Variants in CYP7A1 observed in about 807,000 individuals in gnomAD.
The protein encoded by CYP7A1 is cytochrome P450 family 7 subfamily A member 1.
In CYP7A1, 28 loss-of-function variants were observed where a neutral mutation model predicts 43.8. That is an observed-to-expected ratio of 0.64 (90% CI 0.47 to 0.88). CYP7A1 has a LOEUF of 0.88. Ranked by LOEUF, CYP7A1 falls within the 40% of genes least tolerant of loss-of-function variation. The pLI is 0.00. For synonymous variants in CYP7A1, 227 were observed against 222.5 expected (o/e 1.02, Z -0.18); for missense variants, 637 against 611.9 (o/e 1.04, Z -0.43).
In CYP7A1 at chr8:58,496,490, T is replaced by A. The variant is rs898801194; in HGVS notation, c.908+114A>T. 4 of 778,172 alleles carry A rather than the reference T, an allele frequency of 5.1e-6. No individual in the cohort carries two copies. In the African/African-American group the frequency reaches 7.0e-5, roughly 14 times the overall value. 48.2% of individuals were successfully genotyped at this position (778,172 alleles called of 1,614,324 possible). A position where few individuals can be genotyped will look rare whatever the true frequency, so the allele number is the denominator to read the frequency against. On this transcript the variant is annotated intron_variant, in intron 3 of 5. Transcript: ENST00000301645. ...AACACTAACATGCATTAGTGCTACG[T>A]TCTTGATTGACGGCATGATAAAGTA... is the stretch of plus-strand genomic sequence containing the variant.
chr8:58,491,406 G>T lies in CYP7A1; in HGVS notation c.*69C>A. On this transcript the variant is annotated 3_prime_UTR_variant, in exon 6 of 6. Coordinates refer to ENST00000301645, the MANE Select transcript of CYP7A1 (RefSeq NM_000780.4). ...CACCACTAAATGCATTTGTCCAAAG[G>T]GACTGTGTGGTGAGGGTGTTCTGCA... is the stretch of plus-strand genomic sequence containing the variant. The T allele has an allele frequency of 7.2e-7, 1 of 1,398,052 alleles. No homozygotes were observed. Among genetic ancestry groups the T allele is most frequent in the Non-Finnish European group, 1.0e-6 (1 of 994,866 alleles). 86.6% of individuals were successfully genotyped at this position (1,398,052 alleles called of 1,614,324 possible).
chr8:58,496,737 G>A lies in CYP7A1; in HGVS notation c.775C>T (p.Leu259=), dbSNP rs567669521. ...KRESISELIS[L]RMFLNDTLST... is the part of the protein sequence containing the mutation. ...AAAGTGTCATTGAGAAACATGCGCA[G>A]GCTGATCAGTTCTGAGATGCTTTCC... The change falls in exon 3 of 6, where the codon CTG becomes TTG. Residue 259 remains leucine, a synonymous_variant. Coordinates refer to ENST00000301645, the MANE Select transcript of CYP7A1 (RefSeq NM_000780.4). 1 of 1,614,214 alleles carries A rather than the reference G, an allele frequency of 6.2e-7. No individual in the cohort carries two copies. Among genetic ancestry groups the A allele is most frequent in the South Asian group, 1.1e-5 (1 of 91,080 alleles).
At chr8:58,498,120 TC>T (rs1809476147) in intron 2 of CYP7A1, 108 bp downstream of exon 2, 1 of 1,254,570 alleles carries the variant, frequency 8.0e-7, no homozygotes, top group South Asian at 1.3e-5. Flanking sequence ...AGGATAACTC[TC>T]TTCAACACCT....
At chr8:58,498,743 A>T (rs1378607467) in intron 1 of CYP7A1, among the ~76,000 whole-genome samples, 1 of 152,172 alleles carries the variant, frequency 6.6e-6, no homozygotes, top group Non-Finnish European at 1.5e-5. Context: ...TGTGCTCATC[A>T]CTTTTCCCAG....
intron 4 of CYP7A1, among the ~76,000 whole-genome samples, chr8:58,492,833 T>G (rs1809373613): frequency 6.6e-6 from 1 of 152,200 alleles, no homozygotes; most frequent in African/African-American, 2.4e-5. Context: ...GGCATGATCC[T>G]GGCTCACTGC....
intron 1 of CYP7A1, 132 bp from the exon 2 acceptor site, chr8:58,498,601 A>T: frequency 1.1e-6 from 1 of 915,102 alleles, no homozygotes; most frequent in Non-Finnish European, 1.7e-6. Context: ...CTTTTGTTGG[A>T]TGGGCCCTGC....
chr8:58,498,924 T>G (rs1412923261), intron 1 of CYP7A1, among the ~76,000 whole-genome samples: 1 of 152,208 alleles, frequency 6.6e-6, no homozygotes, highest in African/African-American at 2.4e-5. Flanking sequence ...AGGGAGGATT[T>G]CAGAACTGAG....
rs752449158 is a variant in CYP7A1 at position 58,497,042 on chromosome 8, A to G, written c.470T>C (p.Val157Ala). ...ENLQRIMRPP[V>A]SSNSKTAAWV... is the part of the protein sequence containing the mutation. The stretch of plus-strand genomic sequence containing the variant: ...GGCAGCGGTCTTTGAGTTAGAGGAG[A>G]CTGGAGGTCTCATGATACGTTGGAG... Residue 157 changes from valine (V) to alanine (A), a missense_variant, in exon 3 of 6, where the codon GTC becomes GCC. By Grantham distance (64) the Val-to-Ala change is moderately conservative. Transcript: ENST00000301645. 9.9e-6 allele frequency: 16 copies of G among 1,608,312 alleles called. No individual in the cohort carries two copies. Among genetic ancestry groups the G allele is most frequent in the Middle Eastern group, 1.6e-4 (1 of 6,082 alleles).
Position 58,491,599 on chromosome 8 carries a change from T to C in CYP7A1, c.1391A>G (p.Tyr464Cys). The part of the protein sequence containing the change: ...IKQFLILMLS[Y>C]FELELIEGQA... ...GCCCTCTATAAGCTCCAATTCAAAA[T>C]AAGAAAGCATCAGAATCAAAAATTG... Residue 464 changes from tyrosine to cysteine, a missense_variant, in exon 6 of 6, where the codon TAT becomes TGT. Physicochemically the swap from Tyr to Cys is radical, Grantham distance 194. Coordinates refer to ENST00000301645, the MANE Select transcript of CYP7A1 (RefSeq NM_000780.4). 6.2e-7 allele frequency: 1 copy of C among 1,614,108 alleles called. No individual in the cohort carries two copies. Among genetic ancestry groups the C allele is most frequent in the South Asian group, 1.1e-5 (1 of 91,088 alleles).
intron 5 of CYP7A1, 89 bp downstream of exon 5, chr8:58,492,264 A>T: frequency 8.6e-7 from 1 of 1,164,638 alleles, no homozygotes; most frequent in Non-Finnish European, 1.3e-6. Flanking sequence ...CTACAATGAT[A>T]AAATCAATTC....
In CYP7A1 at chr8:58,493,797, C is replaced by T. The variant is rs1222919144; in HGVS notation, c.1039+709G>A. The stretch of plus-strand genomic sequence containing the variant: ...GGCAGATCACTTGAGGTCAGGAGTT[C>T]GAGACCAGTCTGGACAACATGGTGA... On this transcript the variant is annotated intron_variant, in intron 4 of 5. Transcript: ENST00000301645. Among the ~76,000 whole-genome samples the T allele has an allele frequency of 2.0e-5, 3 of 151,994 alleles. No homozygotes were observed. In the East Asian group the frequency reaches 5.8e-4, roughly 29 times the overall value.
chr8:58,497,137 T>C lies in CYP7A1; in HGVS notation c.375A>G (p.Ile125Met). 6.3e-7 allele frequency: 1 copy of C among 1,599,830 alleles called. No individual in the cohort carries two copies. Among genetic ancestry groups the C allele is most frequent in the Non-Finnish European group, 8.5e-7 (1 of 1,179,948 alleles). ...DPMDGNTTEN[I>M]NDTFIKTLQG... ...GCAGGGTTTTGATGAAAGTGTCGTT[T>C]ATGTTTTCAGTGGTATTTCCATCCA... The change falls in exon 3 of 6, where the codon ATA (isoleucine) becomes ATG (methionine). Residue 125 changes from isoleucine to methionine, a missense_variant. By Grantham distance (10) the Ile-to-Met change is conservative (BLOSUM62 1). Transcript: ENST00000301645.
In CYP7A1 at chr8:58,494,504, A is replaced by T. The variant is rs368772513; in HGVS notation, c.1039+2T>A. 2.5e-6 allele frequency: 4 copies of T among 1,613,870 alleles called. No individual in the cohort carries two copies. The highest frequency in any genetic ancestry group is 1.3e-5 in the African/African-American group (1 of 74,948). ...GAAACTCAACATAACAAGTATACCC[A>T]CCTAATACTGGCAGGTCATTCAGTT... On this transcript the variant is annotated splice_donor_variant, in intron 4 of 5. Coordinates refer to ENST00000301645, the MANE Select transcript of CYP7A1 (RefSeq NM_000780.4). LOFTEE classifies it high-confidence loss of function.
Position 58,491,676 on chromosome 8 carries a change from T to A in CYP7A1, c.1314A>T (p.Gly438=). 1 of 1,614,126 alleles carries A rather than the reference T, an allele frequency of 6.2e-7. No individual in the cohort carries two copies. The highest frequency in any genetic ancestry group is 8.5e-7 in the Non-Finnish European group (1 of 1,179,984). Residue 438 remains glycine (G), a synonymous_variant, in exon 6 of 6, where the codon GGA becomes GGT. Transcript: ENST00000301645. ...LKLKYYYMPF[G]SGATICPGRL... is the part of the protein sequence containing the mutation. ...TTCCAGGACATATTGTAGCTCCCGA[T>A]CCAAAGGGCATGTAGTAATACTTTA...
chr8:58,492,561 TGAAA>T (rs751761459), intron 4 of CYP7A1, 33 bp from the exon 5 acceptor site: 2 of 1,567,028 alleles, frequency 1.3e-6, no homozygotes, highest in Non-Finnish European at 1.8e-6. Flanking sequence ...AGATAAAAAA[TGAAA>T]GAAGGAAGGG....
chr8:58,498,476 G>C lies in CYP7A1; in HGVS notation c.81-7C>G. 2.1e-5 allele frequency: 34 copies of C among 1,613,940 alleles called. No homozygotes were observed. Among genetic ancestry groups the C allele is most frequent in the Non-Finnish European group, 2.9e-5 (34 of 1,179,900 alleles). ...AGGTGGTTCACCCGTTTGCCTGTCAGACACAAGTGTATGATAGACATGGAT... is the reference window on the plus strand; with the variant it reads ...AGGTGGTTCACCCGTTTGCCTGTCACACACAAGTGTATGATAGACATGGAT... On this transcript the variant is annotated splice_region_variant and splice_polypyrimidine_tract_variant and intron_variant, in intron 1 of 5. Coordinates refer to ENST00000301645, the MANE Select transcript of CYP7A1 (RefSeq NM_000780.4).
rs555015632 is a variant in CYP7A1, at chr8:58,498,574, A to G, written c.81-105T>C. The stretch of plus-strand genomic sequence containing the variant: ...CACTGACTTCAAACTTTGAAACCCT[A>G]TAGTTTATAGATATTTCTTTTGTTG... On this transcript the variant is annotated intron_variant, in intron 1 of 5. Coordinates refer to ENST00000301645, the MANE Select transcript of CYP7A1 (RefSeq NM_000780.4). The G allele has an allele frequency of 3.2e-4, 382 of 1,185,850 alleles. 4 individuals carry two copies. In the African/African-American group the frequency reaches 5.3e-3, roughly 16 times the overall value. The allele number at this position is 1,185,850 out of a possible 1,614,324, so 73.5% of individuals were successfully genotyped here.
chr8:58,497,609 T>G (rs1313725969), intron 2 of CYP7A1, among the ~76,000 whole-genome samples: 1 of 152,192 alleles, frequency 6.6e-6, no homozygotes, highest in Non-Finnish European at 1.5e-5. Context: ...CTCAAACTCC[T>G]GGACTCAAGC....
At chr8:58,497,342 T>TAA in intron 2 of CYP7A1, 152 bp from the exon 3 acceptor site, 1 of 718,676 alleles carries the variant, frequency 1.4e-6, no homozygotes, top group Non-Finnish European at 2.4e-6. Context: ...ACTTTACAAA[T>TAA]AAATGACCAA....
Sources: gnomAD v4.1 joint callset for allele counts (sites outside exome capture counted in the v4.1 genomes callset) on GRCh38, gnomAD v4.1.1 for gene constraint, MANE v1.5 for transcripts, NCBI Gene and HGNC (gene_info 2026-07-23, HGNC 2026-07-21) for gene names.